Variants in PDZK1IP1 observed in about 807,000 individuals in gnomAD.
The protein encoded by PDZK1IP1 is PDZK1 interacting protein 1, also known as PDZK1-interacting protein 1.
PDZK1IP1 carries 9 observed loss-of-function variants against 14.7 expected under a neutral mutation model. That is an observed-to-expected ratio of 0.61 (90% CI 0.37 to 1.07). PDZK1IP1 has a LOEUF of 1.07. PDZK1IP1 is among the 50% of genes least tolerant of loss of function. PDZK1IP1 has a pLI of 0.01. For synonymous variants in PDZK1IP1, 70 were observed against 61.2 expected (o/e 1.14, Z -0.67); for missense variants, 152 against 148.7 (o/e 1.02, Z -0.11).
At chr1:47,189,252 T>C (rs1645338714) in intron 1 of PDZK1IP1, among the ~76,000 whole-genome samples, 1 of 152,180 alleles carries the variant, frequency 6.6e-6, no homozygotes, top group East Asian at 1.9e-4. Flanking sequence ...CCTGACAGTG[T>C]AGAATGAAAG....
At chr1:47,185,942 C>T (rs1179267672) in intron 2 of PDZK1IP1, among the ~76,000 whole-genome samples, 1 of 152,088 alleles carries the variant, frequency 6.6e-6, no homozygotes. Flanking sequence ...TCTTCCACCG[C>T]TGCCGTGCAT....
chr1:47,184,569 A>G (rs115133095), intron 3 of PDZK1IP1, among the ~76,000 whole-genome samples: 3 of 2,996 alleles, frequency 1.0e-3, no homozygotes, highest in African/African-American at 1.6e-3. Flanking sequence ...CTGAGTCCAT[A>G]CCCCACTGAG....
chr1:47,187,495 G>T, intron 1 of PDZK1IP1, 68 bp from the exon 2 acceptor site: 2 of 1,273,350 alleles, frequency 1.6e-6, no homozygotes, highest in Non-Finnish European at 2.3e-6. Flanking sequence ...AGAGCGAGGG[G>T]CCTCACTCTT....
In PDZK1IP1 at chr1:47,189,899, G is replaced by A. The variant is rs753406686; in HGVS notation, c.34C>T (p.Leu12Phe). Reference protein sequence around the residue: ...SALSLLILGLLTAVPPASCQQ... With the variant: ...SALSLLILGLFTAVPPASCQQ... ...CAGCTGGCAGGTGGCACTGCCGTGA[G>A]CAGGCCCAGAATGAGGAGGCTGAGG... The change falls in exon 1 of 4, where the codon CTC becomes TTC. Residue 12 changes from leucine (L) to phenylalanine (F), a missense_variant. Transcript: ENST00000294338. 1 of 1,597,212 alleles carries A rather than the reference G, an allele frequency of 6.3e-7. No homozygotes were observed.
chr1:47,185,829 ACTCGT>A (rs2148572750), intron 2 of PDZK1IP1, among the ~76,000 whole-genome samples: 1 of 151,056 alleles, frequency 6.6e-6, no homozygotes, highest in East Asian at 2.0e-4. Flanking sequence ...CAGCGCTCAG[ACTCGT>A]CTCTTCACTT....
rs142623277 is a variant in PDZK1IP1 at position 47,188,424 on chromosome 1, C to T, written c.68-997G>A. 2.9e-3 allele frequency among the ~76,000 whole-genome samples: 449 copies of T among 152,364 alleles called. 4 individuals are homozygous for T. Among genetic ancestry groups the T allele is most frequent in the Non-Finnish European group, 5.1e-3 (350 of 68,030 alleles). ...CCTCTTCCCCAGCATCACTGCACTC[C>T]ATGAGCCTGCAGGAGCTCAGCCTTG... On this transcript the variant is annotated intron_variant, in intron 1 of 3. Transcript: ENST00000294338.
intron 3 of PDZK1IP1, among the ~76,000 whole-genome samples, chr1:47,184,527 G>A (rs1222215040): frequency 3.6e-4 from 7 of 19,540 alleles, no homozygotes; most frequent in Middle Eastern, 0.036. Flanking sequence ...ATCCCCCACT[G>A]AGCTCCATCC....
chr1:47,187,243 T>C, intron 2 of PDZK1IP1, 76 bp downstream of exon 2: 2 of 1,013,602 alleles, frequency 2.0e-6, no homozygotes, highest in East Asian at 5.0e-5. Context: ...TCTGAGGCCC[T>C]TCTCACTGCT....
At chr1:47,187,687 G>T (rs1645329031) in intron 1 of PDZK1IP1, among the ~76,000 whole-genome samples, 1 of 152,220 alleles carries the variant, frequency 6.6e-6, no homozygotes, top group Admixed American at 6.5e-5. Context: ...GTTGGAAGGA[G>T]TGAGAAGCCA....
chr1:47,187,667 A>G (rs1403907581), intron 1 of PDZK1IP1, among the ~76,000 whole-genome samples: 1 of 152,212 alleles, frequency 6.6e-6, no homozygotes, highest in Non-Finnish European at 1.5e-5. Context: ...AGAGGCTCAG[A>G]GAGAAGGGAG....
At position 47,183,813 on chromosome 1, in the gene PDZK1IP1, G is replaced by C; in HGVS notation, c.*158C>G. 1 of 664,134 alleles carries C rather than the reference G, an allele frequency of 1.5e-6. No homozygotes were observed. Among genetic ancestry groups the C allele is most frequent in the Non-Finnish European group, 2.7e-6 (1 of 373,940 alleles). The allele number at this position is 664,134 out of a possible 1,614,324, so 41.1% of individuals were successfully genotyped here. ...TAGACACGGTCTGAGCTCCAACCTTGGCTGGCTATACTTCAAGGGCGGGTA... is the reference window on the plus strand; with the variant it reads ...TAGACACGGTCTGAGCTCCAACCTTCGCTGGCTATACTTCAAGGGCGGGTA... On this transcript the variant is annotated 3_prime_UTR_variant, in exon 4 of 4. Transcript: ENST00000294338.
At chr1:47,188,038 G>A (rs1645330681) in intron 1 of PDZK1IP1, among the ~76,000 whole-genome samples, 2 of 152,188 alleles carry the variant, frequency 1.3e-5, no homozygotes, top group Admixed American at 6.5e-5. Context: ...AGAATGGAGG[G>A]GTGAACTCTA....
chr1:47,184,243 C>T (rs1465227520), intron 3 of PDZK1IP1, among the ~76,000 whole-genome samples, 200 bp from the exon 4 acceptor site: 2 of 151,788 alleles, frequency 1.3e-5, no homozygotes, highest in African/African-American at 4.8e-5. Flanking sequence ...CACCTATCTC[C>T]CTCCTCCTGT....
chr1:47,187,290 C>T (rs1400291339), intron 2 of PDZK1IP1, 29 bp downstream of exon 2: 7 of 1,536,778 alleles, frequency 4.6e-6, no homozygotes, highest in African/African-American at 1.4e-5. Flanking sequence ...CCCACCCTGC[C>T]TGCTCAGGGA....
At chr1:47,186,792 G>A (rs1178206137) in intron 2 of PDZK1IP1, among the ~76,000 whole-genome samples, 4 of 152,230 alleles carry the variant, frequency 2.6e-5, no homozygotes, top group African/African-American at 9.7e-5. Context: ...CAATGGGGAA[G>A]CCTTCTCTGG....
chr1:47,183,767 G>A lies in PDZK1IP1; in HGVS notation c.*204C>T. ...TTCTGAGCTGAGCAGGAGACCCCAG[G>A]GCCACAGCCGAGCCCCAACCTAGAC... On this transcript the variant is annotated 3_prime_UTR_variant, in exon 4 of 4. Transcript: ENST00000294338. The A allele has an allele frequency of 4.9e-6, 3 of 608,578 alleles. No homozygotes were observed. In the South Asian group the frequency reaches 5.9e-5, roughly 12 times the overall value. 37.7% of individuals were successfully genotyped at this position (608,578 alleles called of 1,614,324 possible).
Position 47,189,917 on chromosome 1 carries a change from G to A in PDZK1IP1, c.16C>T (p.Leu6Phe), listed in dbSNP as rs746906561. ...GCCGTGAGCAGGCCCAGAATGAGGA[G>A]GCTGAGGGCCGACATGGCTGCAGCA... is the stretch of plus-strand genomic sequence containing the variant. MSALS[L>F]LILGLLTAVP... is the part of the protein sequence containing the mutation. Residue 6 changes from leucine (L) to phenylalanine (F), a missense_variant, in exon 1 of 4, where the codon CTC (leucine) becomes TTC (phenylalanine). Leu to Phe is a conservative substitution (Grantham distance 22). Transcript: ENST00000294338. The A allele has an allele frequency of 4.4e-6, 7 of 1,595,336 alleles. No homozygotes were observed. The East Asian group carries it at 1.6e-4, about 36-fold the overall frequency.
intron 2 of PDZK1IP1, among the ~76,000 whole-genome samples, chr1:47,185,745 G>A (rs1455461504): frequency 6.6e-6 from 1 of 152,176 alleles, no homozygotes; most frequent in East Asian, 1.9e-4. Context: ...AAACTTAGAT[G>A]CCATTCCTGC....
At chr1:47,184,981 C>A (rs1243029946) in intron 3 of PDZK1IP1, 21 bp downstream of exon 3, 2 of 1,587,088 alleles carry the variant, frequency 1.3e-6, no homozygotes, top group Admixed American at 3.3e-5. Context: ...ACAGACCGGG[C>A]AGCCCTGCCC....
Sources: gnomAD v4.1 joint callset for allele counts (sites outside exome capture counted in the v4.1 genomes callset) on GRCh38, gnomAD v4.1.1 for gene constraint, MANE v1.5 for transcripts, NCBI Gene and HGNC (gene_info 2026-07-23, HGNC 2026-07-21) for gene names.